The following WRAP53 variants were observed in gnomAD, a reference collection of about 807,000 sequenced individuals.
WRAP53 encodes the protein telomerase Cajal body protein 1.
A neutral mutation model predicts 56.6 loss-of-function variants in WRAP53; 28 were observed. That is an observed-to-expected ratio of 0.50 (90% confidence interval 0.37 to 0.68). WRAP53 has a LOEUF of 0.68. Among genes scored for constraint, WRAP53 ranks in the 30% least tolerant of loss-of-function variants. The probability of loss-of-function intolerance (pLI) is 0.00; values close to 1 mark genes in which losing one functional copy is unlikely to be tolerated. For synonymous variants in WRAP53, 283 were observed against 283.4 expected, an observed-to-expected ratio of 1.00 and a Z score of 0.01; for missense variants, 671 against 715.5, an observed-to-expected ratio of 0.94 and a Z score of 0.71.
At position 7,702,568 on chromosome 17, in the gene WRAP53, T is replaced by G. The variant is rs1165283084; in HGVS notation, c.1164+16T>G. On this transcript the variant is annotated intron_variant, in intron 8 of 10. Transcript: ENST00000396463. This position sits in a 1 kb window ranked among gnomAD's most constrained non-coding sequence, Gnocchi z 5.0. ...AGCCCGCAAGGTAGGGGTCACACCC[T>G]GAGAGCCCAAAGCAGCTGGGCAGCG... 9 of 1,604,248 alleles carry G rather than the reference T, an allele frequency of 5.6e-6. No individual in the cohort carries two copies. Among genetic ancestry groups the G allele is most frequent in the Non-Finnish European group, 7.6e-6 (9 of 1,178,744 alleles).
intron 4 of WRAP53, among the ~76,000 whole-genome samples, chr17:7,695,705 G>GC (rs2074174796): frequency 6.6e-6 from 1 of 152,050 alleles, no homozygotes. Context: ...GGTGACCTCA[G>GC]GTATCCAAGC....
chr17:7,689,178 C>A, intron 2 of WRAP53, 46 bp from the exon 3 acceptor site: 1 of 1,613,596 alleles, frequency 6.2e-7, no homozygotes. Context: ...GCCTCTGCCC[C>A]CTTTGCTTGG....
In WRAP53 at chr17:7,701,504, A is replaced by G. The variant is rs768679162; in HGVS notation, c.777A>G (p.Ala259=). Residue 259 remains alanine (A), a synonymous_variant, in exon 6 of 11, where the codon GCA becomes GCG. Coordinates refer to ENST00000396463, the MANE Select transcript of WRAP53 (RefSeq NM_001143992.2). The surrounding 1 kb of genome is among the most constrained non-coding windows in gnomAD (Gnocchi z 4.2). The stretch of plus-strand genomic sequence containing the variant: ...AGAACCCGATTCATATCTGGGACGC[A>G]TTCACTGGAGAGCTCCGGGCTTCCT... ...SRENPIHIWD[A]FTGELRASFR... is the part of the protein sequence containing the mutation. 1.2e-6 allele frequency: 2 copies of G among 1,614,238 alleles called. No individual in the cohort carries two copies. The highest frequency in any genetic ancestry group is 1.1e-5 in the South Asian group (1 of 91,090).
At position 7,701,987 on chromosome 17, in the gene WRAP53, C is replaced by T. The variant is rs1194559979; in HGVS notation, c.955+198C>T. ...ACCTTCCCAAGGCCAACCAGCTGGT[C>T]AAAGGACTGCTTCCTTCCTGAACTC... On this transcript the variant is annotated intron_variant, in intron 7 of 10. Transcript: ENST00000396463. This position sits in a 1 kb window ranked among gnomAD's most constrained non-coding sequence, Gnocchi z 4.2. 2.4e-6 allele frequency: 2 copies of T among 848,840 alleles called. No individual in the cohort carries two copies. Among genetic ancestry groups the T allele is most frequent in the Admixed American group, 2.0e-5 (1 of 50,140 alleles). 52.6% of individuals were successfully genotyped at this position (848,840 alleles called of 1,614,324 possible).
intron 4 of WRAP53, among the ~76,000 whole-genome samples, chr17:7,691,130 A>G (rs2074101785): frequency 6.6e-6 from 1 of 151,508 alleles, no homozygotes; most frequent in Admixed American, 6.6e-5. Flanking sequence ...AATCATTTGA[A>G]CCCAGGAGAT....
At chr17:7,686,573 A>G (rs1349816371), upstream of WRAP53, 2 of 152,306 alleles carry the variant, frequency 1.3e-5, no homozygotes, top group Admixed American at 1.3e-4. Context: ...TCTGCCAAGT[A>G]AGAGGAACCG....
At chr17:7,700,638 G>A (rs868165828) in intron 4 of WRAP53, 103 bp from the exon 5 acceptor site, 7 of 797,330 alleles carry the variant, frequency 8.8e-6, no homozygotes, top group Middle Eastern at 2.3e-4. Context: ...GACAGAGTCT[G>A]TGCTCCATAT....
At chr17:7,687,350 A>G, upstream of WRAP53, 2 of 398,022 alleles carry the variant, frequency 5.0e-6, no homozygotes, top group Admixed American at 8.8e-5. Context: ...CTCAGAGAGG[A>G]CTCATCAAGT....
chr17:7,692,171 T>G (rs2074120175), intron 4 of WRAP53, among the ~76,000 whole-genome samples: 1 of 151,550 alleles, frequency 6.6e-6, no homozygotes, highest in South Asian at 2.1e-4. Context: ...AGTGAATGGT[T>G]TATGGGTGGG....
chr17:7,695,666 C>A (rs1392761242), intron 4 of WRAP53, among the ~76,000 whole-genome samples: 3 of 152,146 alleles, frequency 2.0e-5, no homozygotes, highest in African/African-American at 7.2e-5. Flanking sequence ...GTACAGCCTT[C>A]CGGTGCTCTC....
At chr17:7,686,634 T>C (rs1243660721), upstream of WRAP53, 1 of 152,272 alleles carries the variant, frequency 6.6e-6, no homozygotes, top group Non-Finnish European at 1.5e-5. Flanking sequence ...GGGTGAATAG[T>C]GAGCTGCTCC....
Position 7,703,249 on chromosome 17 carries a change from C to A in WRAP53, c.1410C>A (p.His470Gln). 6.2e-7 allele frequency: 1 copy of A among 1,613,526 alleles called. No individual in the cohort carries two copies. The highest frequency in any genetic ancestry group is 8.5e-7 in the Non-Finnish European group (1 of 1,180,022). The change falls in exon 11 of 11, where the codon CAC (histidine) becomes CAA (glutamine). Residue 470 changes from histidine (H) to glutamine (Q), a missense_variant. By Grantham distance (24) the His-to-Gln change is conservative (BLOSUM62 0). Transcript: ENST00000396463. ...CTCCCCATCTCTCCCTCAGCCTGCACCCTAGCCTGCCTCTCCTGGCCACTG... is the reference window on the plus strand; with the variant it reads ...CTCCCCATCTCTCCCTCAGCCTGCAACCTAGCCTGCCTCTCCTGGCCACTG... ...QKDCTNGVSL[H>Q]PSLPLLATAS...
At chr17:7,687,105 CG>C, upstream of WRAP53, 1 of 391,774 alleles carries the variant, frequency 2.6e-6, no homozygotes, top group East Asian at 3.6e-5. Flanking sequence ...CGCTTTAGGC[CG>C]GCTCAAGGTT....
At chr17:7,692,054 C>T (rs1277977919) in intron 4 of WRAP53, among the ~76,000 whole-genome samples, 2 of 150,808 alleles carry the variant, frequency 1.3e-5, no homozygotes, top group Non-Finnish European at 3.0e-5. Flanking sequence ...ATTGGCCAGG[C>T]TGGTCTCGAA....
chr17:7,698,153 A>G (rs1420372107), intron 4 of WRAP53, among the ~76,000 whole-genome samples: 1 of 152,224 alleles, frequency 6.6e-6, no homozygotes, highest in Non-Finnish European at 1.5e-5. Flanking sequence ...AATTGACATT[A>G]TAGTATCTTA....
At position 7,701,278 on chromosome 17, in the gene WRAP53, T is replaced by A; in HGVS notation, c.732-181T>A. 1 of 704,028 alleles carries A rather than the reference T, an allele frequency of 1.4e-6. No individual in the cohort carries two copies. The highest frequency in any genetic ancestry group is 2.1e-5 in the Admixed American group (1 of 48,548). The allele number at this position is 704,028 out of a possible 1,614,324, so 43.6% of individuals were successfully genotyped here. On this transcript the variant is annotated intron_variant, in intron 5 of 10. Coordinates refer to ENST00000396463, the MANE Select transcript of WRAP53 (RefSeq NM_001143992.2). This position sits in a 1 kb window ranked among gnomAD's most constrained non-coding sequence, Gnocchi z 4.2. ...GCCACCACACCCAGCCTCATTTTTG[T>A]ATTTTTAGTAGAGACAGGGTTTCAC...
In WRAP53 at chr17:7,693,780, C is replaced by T. The variant is rs572724554; in HGVS notation, c.642+4079C>T. Among the ~76,000 whole-genome samples, 13 of 152,082 alleles carry T rather than the reference C, an allele frequency of 8.5e-5. No individual in the cohort carries two copies. In the East Asian group the frequency reaches 1.3e-3, roughly 16 times the overall value. Reference sequence around the variant, plus strand: ...CAGCACCTAGCATATAGTAAGTGTTCGGTAAACACTAGTAGTCACTGGTAT... The same window carrying T: ...CAGCACCTAGCATATAGTAAGTGTTTGGTAAACACTAGTAGTCACTGGTAT... On this transcript the variant is annotated intron_variant, in intron 4 of 10. Coordinates refer to ENST00000396463, the MANE Select transcript of WRAP53 (RefSeq NM_001143992.2).
chr17:7,701,444 C>T lies in WRAP53; in HGVS notation c.732-15C>T. 1 of 1,614,090 alleles carries T rather than the reference C, an allele frequency of 6.2e-7. No homozygotes were observed. The highest frequency in any genetic ancestry group is 1.1e-5 in the South Asian group (1 of 91,086). ...TTTGACAGCACCGGGGTTTCAGTGT[C>T]CATGTCTCTCTCAGCGTGGCCAGCA... On this transcript the variant is annotated splice_polypyrimidine_tract_variant and intron_variant, in intron 5 of 10. Transcript: ENST00000396463. This position sits in a 1 kb window ranked among gnomAD's most constrained non-coding sequence, Gnocchi z 4.2.
chr17:7,691,450 C>T lies in WRAP53; in HGVS notation c.642+1749C>T, dbSNP rs149153520. ...TGTCGCCCAGGCTGGAGTGCAATGG[C>T]GTGATCTCGGCTCACTGCAACCTCT... On this transcript the variant is annotated intron_variant, in intron 4 of 10. Coordinates refer to ENST00000396463, the MANE Select transcript of WRAP53 (RefSeq NM_001143992.2). 5.9e-3 allele frequency among the ~76,000 whole-genome samples: 847 copies of T among 143,316 alleles called. 6 individuals carry two copies. Among genetic ancestry groups the T allele is most frequent in the African/African-American group, 0.022 (818 of 36,998 alleles). 94.0% of individuals were successfully genotyped at this position (143,316 alleles called of 152,430 possible).
Sources: gnomAD v4.1 joint callset for allele counts (sites outside exome capture counted in the v4.1 genomes callset) on GRCh38, gnomAD v4.1.1 for gene constraint, Gnocchi (gnomAD v3.1) non-coding constraint, MANE v1.5 for transcripts, NCBI Gene and HGNC (gene_info 2026-07-23, HGNC 2026-07-21) for gene names.